CADM3: variants seen among roughly 807,000 people sequenced by gnomAD.
CADM3 encodes TSLC1-like 1.
Under a neutral mutation model 44.9 loss-of-function variants are expected in CADM3, and 11 were observed. The observed-to-expected ratio is 0.25, with a 90% CI of 0.15 to 0.41. The LOEUF (loss-of-function observed/expected upper bound fraction) is 0.41, where lower values mean the gene tolerates loss of function less well. Among genes scored for constraint, CADM3 ranks in the 10% least tolerant of loss-of-function variants. CADM3 has a pLI of 1.00. For synonymous variants in CADM3, 207 were observed against 205.2 expected (o/e 1.01, Z -0.08); for missense variants, 426 against 512.0 (o/e 0.83, Z 1.62).
At chr1:159,185,598 G>C (rs1185391447) in intron 1 of CADM3, among the ~76,000 whole-genome samples, 1 of 152,168 alleles carries the variant, frequency 6.6e-6, no homozygotes. Context: ...GGTTGTTCTG[G>C]AATAATGAAT....
At position 159,196,340 on chromosome 1, in the gene CADM3, T is replaced by C. The variant is rs752876919; in HGVS notation, c.692-24T>C. The C allele has an allele frequency of 1.5e-5, 24 of 1,599,742 alleles. No individual in the cohort carries two copies. In the Admixed American group the frequency reaches 3.3e-4, roughly 22 times the overall value. On this transcript the variant is annotated intron_variant, in intron 5 of 8. Transcript: ENST00000368125. Reference sequence around the variant, plus strand: ...CCTAAGCCGTGTGGGGAGGTATTCATTGATACCATTTCCTTCTCCACAGAC... The same window carrying C: ...CCTAAGCCGTGTGGGGAGGTATTCACTGATACCATTTCCTTCTCCACAGAC...
intron 1 of CADM3, among the ~76,000 whole-genome samples, chr1:159,179,658 G>C (rs1283840322): frequency 6.6e-6 from 1 of 152,158 alleles, no homozygotes; most frequent in African/African-American, 2.4e-5. Context: ...CTATGACCTG[G>C]CGCTTTGCTT....
chr1:159,190,343 T>G (rs1047571184), intron 1 of CADM3, among the ~76,000 whole-genome samples: 1 of 152,166 alleles, frequency 6.6e-6, no homozygotes, highest in Non-Finnish European at 1.5e-5. Flanking sequence ...AAATCATAGT[T>G]TTAATGCTCA....
chr1:159,193,128 T>C (rs917006777), intron 3 of CADM3, among the ~76,000 whole-genome samples: 3 of 152,202 alleles, frequency 2.0e-5, no homozygotes, highest in African/African-American at 7.2e-5. Context: ...ACTTCCTTCT[T>C]TGCGTCTCTG....
chr1:159,172,888 T>A (rs1190199764), intron 1 of CADM3, among the ~76,000 whole-genome samples: 1 of 151,870 alleles, frequency 6.6e-6, no homozygotes, highest in Non-Finnish European at 1.5e-5. Context: ...TAACGGTTAG[T>A]GGGATGCCAG....
chr1:159,181,140 G>T (rs1246775688), intron 1 of CADM3, among the ~76,000 whole-genome samples: 1 of 152,138 alleles, frequency 6.6e-6, no homozygotes, highest in Non-Finnish European at 1.5e-5. Flanking sequence ...TTCTGCGTTT[G>T]ACTCTGTTAT....
At chr1:159,176,474 ATTCTGT>A (rs1284811445) in intron 1 of CADM3, among the ~76,000 whole-genome samples, 2 of 152,184 alleles carry the variant, frequency 1.3e-5, no homozygotes, top group African/African-American at 4.8e-5. Flanking sequence ...TCAGAAAAAG[ATTCTGT>A]TTCTAAGAAC....
intron 1 of CADM3, among the ~76,000 whole-genome samples, chr1:159,180,759 G>C (rs1354399742): frequency 6.6e-6 from 1 of 152,080 alleles, no homozygotes; most frequent in South Asian, 2.1e-4. Flanking sequence ...CCAGTGAAGG[G>C]AAACAGTAAA....
chr1:159,183,135 C>A (rs1251289192), intron 1 of CADM3, among the ~76,000 whole-genome samples: 1 of 152,146 alleles, frequency 6.6e-6, no homozygotes, highest in African/African-American at 2.4e-5. Context: ...CCTGTTTGAG[C>A]CCAGATTGGG....
intron 1 of CADM3, among the ~76,000 whole-genome samples, chr1:159,180,783 A>T (rs1387758273): frequency 6.6e-6 from 1 of 152,172 alleles, no homozygotes; most frequent in African/African-American, 2.4e-5. Context: ...AAGTCAGGAA[A>T]ATCAGAACCA....
At chr1:159,193,305 C>A in intron 3 of CADM3, 118 bp from the exon 4 acceptor site, 1 of 1,084,130 alleles carries the variant, frequency 9.2e-7, no homozygotes, top group Non-Finnish European at 1.3e-6. Context: ...TAGTCTTCTA[C>A]CCATCAGAAA....
At chr1:159,174,084 C>G (rs1293705914) in intron 1 of CADM3, among the ~76,000 whole-genome samples, 2 of 152,140 alleles carry the variant, frequency 1.3e-5, no homozygotes, top group Admixed American at 1.3e-4. Context: ...GGGAGATGAA[C>G]AGGAGGGGTC....
chr1:159,192,592 C>T lies in CADM3; in HGVS notation c.244C>T (p.Arg82Ter), dbSNP rs1557936185. ...FGEKRALRDN[R>*]IQLVTSTPHE... ...GATTTCCCCAGCCCTTCGAGATAAT[C>T]GAATTCAGCTGGTTACCTCTACGCC... is the stretch of plus-strand genomic sequence containing the variant. The change falls in exon 3 of 9, where the codon CGA becomes TGA. Residue 82 changes from arginine to a stop codon, truncating the protein, a stop_gained. Transcript: ENST00000368125. LOFTEE classifies it high-confidence loss of function. 1 of 1,614,120 alleles carries T rather than the reference C, an allele frequency of 6.2e-7. No individual in the cohort carries two copies. The highest frequency in any genetic ancestry group is 2.2e-5 in the East Asian group (1 of 44,880).
chr1:159,173,469 G>C (rs970151006), intron 1 of CADM3, among the ~76,000 whole-genome samples: 4 of 152,042 alleles, frequency 2.6e-5, no homozygotes, highest in African/African-American at 9.7e-5. Context: ...ACTCCCCAAA[G>C]GGAGTTCCCG....
intron 1 of CADM3, among the ~76,000 whole-genome samples, chr1:159,191,678 T>C (rs1356863158): frequency 6.6e-6 from 1 of 152,244 alleles, no homozygotes; most frequent in Admixed American, 6.5e-5. Flanking sequence ...TTCGTGGCCC[T>C]GTCAGTTCAT....
In CADM3 at chr1:159,199,740, C is replaced by T; in HGVS notation, c.953-11C>T. On this transcript the variant is annotated splice_polypyrimidine_tract_variant and intron_variant, in intron 7 of 8. Coordinates refer to ENST00000368125, the MANE Select transcript of CADM3 (RefSeq NM_001127173.3). Reference sequence around the variant, plus strand: ...CCCAGATCTGACTGTGTGTGTTGCCCTTTCTTCCAGACCCCAGTCCGGTGC... The same window carrying T: ...CCCAGATCTGACTGTGTGTGTTGCCTTTTCTTCCAGACCCCAGTCCGGTGC... 1 of 1,614,092 alleles carries T rather than the reference C, an allele frequency of 6.2e-7. No individual in the cohort carries two copies. The highest frequency in any genetic ancestry group is 8.5e-7 in the Non-Finnish European group (1 of 1,180,006).
chr1:159,202,020 G>GT lies in CADM3; in HGVS notation c.*1101dup, dbSNP rs1478390617. 1 of 153,122 alleles carries GT rather than the reference G, an allele frequency of 6.5e-6. No individual in the cohort carries two copies. The highest frequency in any genetic ancestry group is 1.5e-5 in the Non-Finnish European group (1 of 68,224). The allele number at this position is 153,122 out of a possible 1,614,324, so 9.5% of individuals were successfully genotyped here. The stretch of plus-strand genomic sequence containing the variant: ...AAAAGGAGCTTCACTGCAGTGAGCT[G>GT]TTTCCTGCCCAAACTAAGGGAATAA... On this transcript the variant is annotated 3_prime_UTR_variant, in exon 9 of 9. Coordinates refer to ENST00000368125, the MANE Select transcript of CADM3 (RefSeq NM_001127173.3).
intron 1 of CADM3, among the ~76,000 whole-genome samples, chr1:159,174,382 G>T (rs1312867166): frequency 6.6e-6 from 1 of 152,074 alleles, no homozygotes; most frequent in African/African-American, 2.4e-5. Flanking sequence ...AGTTGGCCTG[G>T]GGCCCCTAGG....
Position 159,171,773 on chromosome 1 carries a change from C to A in CADM3, c.8C>A (p.Ala3Asp). 1.6e-6 allele frequency: 2 copies of A among 1,238,020 alleles called. No homozygotes were observed. The highest frequency in any genetic ancestry group is 2.0e-6 in the Non-Finnish European group (2 of 990,508). 76.7% of individuals were successfully genotyped at this position (1,238,020 alleles called of 1,614,324 possible). The change falls in exon 1 of 9, where the codon GCC becomes GAC. Residue 3 changes from alanine to aspartate, a missense_variant. This residue lies in a region of CADM3 where 64 missense variants were observed against 37.4 expected (regional missense o/e 1.71). Coordinates refer to ENST00000368125, the MANE Select transcript of CADM3 (RefSeq NM_001127173.3). ...AGCCGGCCGGGAAGCGCGATGGGGG[C>A]CCCAGCCGCCTCGCTCCTGCTCCTG... MG[A>D]PAASLLLLLL... is the part of the protein sequence containing the mutation.
Sources: gnomAD v4.1 joint callset for allele counts (sites outside exome capture counted in the v4.1 genomes callset) on GRCh38, gnomAD v4.1.1 for gene constraint, gnomAD v4.1.1 regional missense constraint, MANE v1.5 for transcripts, NCBI Gene and HGNC (gene_info 2026-07-23, HGNC 2026-07-21) for gene names.